Variants in EYS observed in about 807,000 individuals in gnomAD.
EYS encodes the protein EGF-like photoreceptor maintenance factor, also known as protein eyes shut homolog.
Under a neutral mutation model 282.1 loss-of-function variants are expected in EYS, and 250 were observed. That is an observed-to-expected ratio of 0.89 (90% confidence interval 0.80 to 0.98). EYS has a LOEUF of 0.98. Ranked by LOEUF, EYS falls within the 50% of genes least tolerant of loss-of-function variation. The probability of loss-of-function intolerance (pLI) is 0.00; values close to 1 mark genes in which losing one functional copy is unlikely to be tolerated. For synonymous variants in EYS, 1,355 were observed against 1,282.9 expected, an observed-to-expected ratio of 1.06 and a Z score of -1.20; for missense variants, 4,016 against 3,709.0, an observed-to-expected ratio of 1.08 and a Z score of -2.15.
intron 22 of EYS, among the ~76,000 whole-genome samples, chr6:64,766,649 A>AATATAGATATAT (rs1773355619): frequency 5.2e-5 from 1 of 19,050 alleles, no homozygotes; most frequent in Non-Finnish European, 1.0e-4. Flanking sequence ...AAAAAAAAAA[A>AATATAGATATAT]ATATATATAT....
intron 12 of EYS, among the ~76,000 whole-genome samples, chr6:65,063,914 C>CAG: frequency 6.6e-6 from 1 of 151,728 alleles, no homozygotes; most frequent in Non-Finnish European, 1.5e-5. Context: ...CTCTGCTCTG[C>CAG]AGACTGGACA....
At position 65,135,140 on chromosome 6, in the gene EYS, C is replaced by G. The variant is rs146524708; in HGVS notation, c.2024-77413G>C. On this transcript the variant is annotated intron_variant, in intron 12 of 42. Transcript: ENST00000503581. Reference sequence around the variant, plus strand: ...CTTATTTTGGAAAATTGATTTGATTCCTAGGGAAATAATAGAGAAAATCTA... The same window carrying G: ...CTTATTTTGGAAAATTGATTTGATTGCTAGGGAAATAATAGAGAAAATCTA... Among the ~76,000 whole-genome samples, 485 of 151,938 alleles carry G rather than the reference C, an allele frequency of 3.2e-3. 1 individual carries two copies. Among genetic ancestry groups the G allele is most frequent in the South Asian group, 0.011 (53 of 4,820 alleles).
intron 22 of EYS, among the ~76,000 whole-genome samples, chr6:64,642,601 A>C (rs1768194887): frequency 6.6e-6 from 1 of 152,208 alleles, no homozygotes; most frequent in African/African-American, 2.4e-5. Context: ...TTCTTTGGAG[A>C]AATCATAAAT....
At chr6:64,058,417 C>T in intron 33 of EYS, among the ~76,000 whole-genome samples, 1 of 152,128 alleles carries the variant, frequency 6.6e-6, no homozygotes, top group Non-Finnish European at 1.5e-5. Flanking sequence ...AGTCTCTTTC[C>T]TGATAGTCAT....
At chr6:64,711,759 C>A (rs1173765893) in intron 22 of EYS, among the ~76,000 whole-genome samples, 9 of 152,160 alleles carry the variant, frequency 5.9e-5, no homozygotes, top group Admixed American at 1.3e-4. Flanking sequence ...TCCTCAGAAC[C>A]TTTTCAGACT....
intron 5 of EYS, among the ~76,000 whole-genome samples, chr6:65,466,677 T>C (rs1296155568): frequency 1.3e-5 from 2 of 152,010 alleles, no homozygotes; most frequent in East Asian, 3.9e-4. Context: ...AAAAAGACAG[T>C]AATGCACACA....
intron 5 of EYS, among the ~76,000 whole-genome samples, chr6:65,454,451 GT>G (rs1215710363): frequency 6.6e-6 from 1 of 151,326 alleles, no homozygotes; most frequent in Non-Finnish European, 1.5e-5. Flanking sequence ...TCATTTGTAG[GT>G]TGTTTCTTCA....
At chr6:65,418,046 G>A (rs1767308870) in intron 5 of EYS, among the ~76,000 whole-genome samples, 1 of 152,002 alleles carries the variant, frequency 6.6e-6, no homozygotes, top group South Asian at 2.1e-4. Flanking sequence ...TATGATATGA[G>A]AATGGTGTGG....
intron 12 of EYS, among the ~76,000 whole-genome samples, chr6:65,181,158 A>T (rs1169087958): frequency 6.6e-6 from 1 of 152,194 alleles, no homozygotes; most frequent in African/African-American, 2.4e-5. Flanking sequence ...CAAGGACTTC[A>T]TGTCCAAAAC....
chr6:64,395,634 G>C lies in EYS; in HGVS notation c.5928-6794C>G, dbSNP rs142725440. 2.4e-4 allele frequency among the ~76,000 whole-genome samples: 32 copies of C among 133,214 alleles called. No individual in the cohort carries two copies. The East Asian group carries it at 7.1e-3, about 29-fold the overall frequency. The allele number at this position is 133,214 out of a possible 152,430, so 87.4% of individuals were successfully genotyped here. A position where few individuals can be genotyped will look rare whatever the true frequency, so the allele number is the denominator to read the frequency against. On this transcript the variant is annotated intron_variant, in intron 28 of 42. Transcript: ENST00000503581. ...ATATCACACTCTGGGGACTGTTGTCGGGTTGGGGGGAGGGGGGAGGGATAG... is the reference window on the plus strand; with the variant it reads ...ATATCACACTCTGGGGACTGTTGTCCGGTTGGGGGGAGGGGGGAGGGATAG...
chr6:64,688,896 T>C (rs1402952597), intron 22 of EYS, among the ~76,000 whole-genome samples: 1 of 151,938 alleles, frequency 6.6e-6, no homozygotes, highest in Non-Finnish European at 1.5e-5. Context: ...AAGCATTCCC[T>C]TTGAAAACTG....
chr6:65,297,575 T>C (rs1475042113), intron 11 of EYS, among the ~76,000 whole-genome samples: 1 of 152,124 alleles, frequency 6.6e-6, no homozygotes, highest in East Asian at 1.9e-4. Context: ...TGGTTTTAAT[T>C]CTTTTCAAAC....
At chr6:65,617,402 C>A (rs1040231964) in intron 2 of EYS, among the ~76,000 whole-genome samples, 8 of 151,964 alleles carry the variant, frequency 5.3e-5, no homozygotes, top group Non-Finnish European at 1.2e-4. Context: ...ATCATTCTAT[C>A]ACATATCTAT....
At chr6:63,771,971 A>G (rs768969114) in intron 40 of EYS, among the ~76,000 whole-genome samples, 4 of 152,108 alleles carry the variant, frequency 2.6e-5, no homozygotes, top group Non-Finnish European at 5.9e-5. Context: ...TTTTAGGCAT[A>G]AAAAGATATC....
At chr6:64,864,382 C>CTTTTTTTTTTTTTTTTTTTTTTTTTTTTT (rs1562231995) in intron 19 of EYS, among the ~76,000 whole-genome samples, 1 of 40,082 alleles carries the variant, frequency 2.5e-5, no homozygotes, top group African/African-American at 7.4e-5. Flanking sequence ...GGTGCTATAC[C>CTTTTTTTTTTTTTTTTTTTTTTTTTTTTT]TTCTTTTTTT....
At chr6:64,515,494 T>G (rs532363478) in intron 26 of EYS, among the ~76,000 whole-genome samples, 1 of 151,560 alleles carries the variant, frequency 6.6e-6, no homozygotes, top group South Asian at 2.1e-4. Context: ...ATGATCTCAA[T>G]TTTTCTATTT....
chr6:63,873,036 G>A (rs1772855070), intron 35 of EYS, among the ~76,000 whole-genome samples: 1 of 151,850 alleles, frequency 6.6e-6, no homozygotes, highest in Non-Finnish European at 1.5e-5. Context: ...TAAATTCTAG[G>A]GTACATGTGC....
At chr6:63,822,813 C>G (rs890995728) in intron 36 of EYS, among the ~76,000 whole-genome samples, 37 of 152,272 alleles carry the variant, frequency 2.4e-4, no homozygotes, top group African/African-American at 8.4e-4. Flanking sequence ...GCATCCTTGT[C>G]AAGTTCTGAT....
intron 22 of EYS, among the ~76,000 whole-genome samples, chr6:64,734,127 A>G (rs1444940334): frequency 6.6e-6 from 1 of 151,072 alleles, no homozygotes; most frequent in Non-Finnish European, 1.5e-5. Context: ...TTTAAGGGAA[A>G]AAAAAAAACA....
Sources: allele counts gnomAD v4.1 joint callset (sites outside exome capture counted in the v4.1 genomes callset), GRCh38; gene constraint gnomAD v4.1.1; transcripts MANE v1.5; gene names NCBI Gene and HGNC (gene_info 2026-07-23, HGNC 2026-07-21).